Variants in FAM161A observed in about 807,000 individuals in gnomAD.
FAM161A encodes FAM161 centrosomal protein A.
FAM161A carries 57 observed loss-of-function variants against 70.9 expected under a neutral mutation model. The ratio of observed to expected loss-of-function variants is 0.80; its 90% confidence interval spans 0.65 to 1.00. The LOEUF (loss-of-function observed/expected upper bound fraction) is 1.00. Ranked by LOEUF, FAM161A falls within the 50% of genes least tolerant of loss-of-function variation. The pLI, the probability that FAM161A is intolerant of heterozygous loss-of-function variation, is 0.00. For synonymous variants in FAM161A, 299 were observed against 295.7 expected, an observed-to-expected ratio of 1.01 and a Z score of -0.12; for missense variants, 880 against 836.0, an observed-to-expected ratio of 1.05 and a Z score of -0.65.
chr2:61,834,964 AT>A (rs926304305), intron 5 of FAM161A, among the ~76,000 whole-genome samples: 1 of 152,144 alleles, frequency 6.6e-6, no homozygotes, highest in African/African-American at 2.4e-5. Context: ...GCTTAAAATG[AT>A]TTTTCCCCCT....
chr2:61,815,796 G>A, the FAM161A span, among the ~76,000 whole-genome samples: 2 of 151,182 alleles, frequency 1.3e-5, no homozygotes, highest in Non-Finnish European at 3.0e-5. Context: ...AGTGATCCCC[G>A]CACCTCAGCC....
rs1181065430 is a variant in FAM161A at position 61,825,791 on chromosome 2, C to T, written c.*664G>A. 2 of 419,494 alleles carry T rather than the reference C, an allele frequency of 4.8e-6. No individual in the cohort carries two copies. Among genetic ancestry groups the T allele is most frequent in the Non-Finnish European group, 9.4e-6 (2 of 212,410 alleles). The allele number at this position is 419,494 out of a possible 1,614,324, so 26.0% of individuals were successfully genotyped here. A position where few individuals can be genotyped will look rare whatever the true frequency, so the allele number is the denominator to read the frequency against. On this transcript the variant is annotated 3_prime_UTR_variant, in exon 7 of 7. Coordinates refer to ENST00000404929, the MANE Select transcript of FAM161A (RefSeq NM_001201543.2). Reference sequence around the variant, plus strand: ...TAGCTGGGACTACAGGCGCCCACCACCACGCCTGGCTAATTTTTTGTATTT... The same window carrying T: ...TAGCTGGGACTACAGGCGCCCACCATCACGCCTGGCTAATTTTTTGTATTT...
chr2:61,803,430 T>G, the FAM161A span: 22 of 674,642 alleles, frequency 3.3e-5, no homozygotes, highest in South Asian at 2.3e-4. Context: ...AAGTCAGGGG[T>G]ACTGCAAAGG....
chr2:61,836,298 A>T, intron 4 of FAM161A, 189 bp from the exon 5 acceptor site: 1 of 555,834 alleles, frequency 1.8e-6, no homozygotes, highest in Non-Finnish European at 3.2e-6. Flanking sequence ...TATACCGGTT[A>T]ATTCTCATGG....
the FAM161A span, among the ~76,000 whole-genome samples, chr2:61,811,325 G>C: frequency 6.6e-6 from 1 of 151,788 alleles, no homozygotes; most frequent in East Asian, 1.9e-4. Context: ...AGCTTCCCAA[G>C]TAGCTGGGAC....
At chr2:61,804,760 A>AAAG in the FAM161A span, among the ~76,000 whole-genome samples, 9 of 57,842 alleles carry the variant, frequency 1.6e-4, no homozygotes, top group African/African-American at 2.9e-4. Context: ...GAAAGAAAGA[A>AAAG]AAAGAAAGAG....
chr2:61,843,457 G>C (rs1673093881), intron 1 of FAM161A, among the ~76,000 whole-genome samples: 1 of 152,106 alleles, frequency 6.6e-6, no homozygotes, highest in African/African-American at 2.4e-5. Context: ...AGCAACTAAA[G>C]AGATAAAACC....
rs1234399841 is a variant in FAM161A, at chr2:61,839,728, A to C, written c.1276T>G (p.Cys426Gly). The C allele has an allele frequency of 6.2e-7, 1 of 1,614,156 alleles. No individual in the cohort carries two copies. Among genetic ancestry groups the C allele is most frequent in the East Asian group, 2.2e-5 (1 of 44,878 alleles). The change falls in exon 3 of 7, where the codon TGC becomes GGC. Residue 426 changes from cysteine to glycine, a missense_variant. Coordinates refer to ENST00000404929, the MANE Select transcript of FAM161A (RefSeq NM_001201543.2). Reference protein sequence around the residue: ...VKLKCKHKVRCPTPDFEDLPE... With the variant: ...VKLKCKHKVRGPTPDFEDLPE... ...AGGTCCTCAAAATCAGGAGTTGGGC[A>C]CCTAACCTTGTGTTTACACTTCAAC...
the FAM161A span, among the ~76,000 whole-genome samples, chr2:61,809,642 G>T: frequency 6.6e-6 from 1 of 152,158 alleles, no homozygotes; most frequent in African/African-American, 2.4e-5. Context: ...TGCAAAGATG[G>T]CCTTAGCATT....
intron 1 of FAM161A, among the ~76,000 whole-genome samples, chr2:61,842,577 G>C (rs1167489166): frequency 1.3e-5 from 2 of 152,204 alleles, no homozygotes; most frequent in South Asian, 2.1e-4. Context: ...CAAACTGTCA[G>C]AAAATAAATG....
At chr2:61,807,225 C>T in the FAM161A span, among the ~76,000 whole-genome samples, 66 of 150,674 alleles carry the variant, frequency 4.4e-4, no homozygotes, top group Non-Finnish European at 8.9e-5. Flanking sequence ...GCCCAGACAA[C>T]GGAAATGAAG....
At chr2:61,826,751 C>T (rs925070366) in intron 6 of FAM161A, 152 bp from the exon 7 acceptor site, 22 of 701,380 alleles carry the variant, frequency 3.1e-5, no homozygotes, top group African/African-American at 9.0e-5. Flanking sequence ...AAGAAGAAAA[C>T]GCTATAAAAG....
At chr2:61,806,680 CTTTTT>C in the FAM161A span, among the ~76,000 whole-genome samples, 20 of 61,592 alleles carry the variant, frequency 3.2e-4, no homozygotes, top group African/African-American at 1.3e-3. Flanking sequence ...CTTTCCACGT[CTTTTT>C]TTTTTTTTTT....
intron 1 of FAM161A, chr2:61,846,644 G>A (rs771431544): frequency 3.6e-5 from 9 of 246,816 alleles, no homozygotes; most frequent in African/African-American, 7.0e-5. Context: ...GCTTTGCAAT[G>A]CCAGAGCTGG....
the FAM161A span, among the ~76,000 whole-genome samples, chr2:61,815,547 T>C: frequency 8.5e-6 from 1 of 117,196 alleles, no homozygotes; most frequent in South Asian, 2.8e-4. Flanking sequence ...TTTTTTTTTT[T>C]TTTTTTTTTT....
intron 1 of FAM161A, among the ~76,000 whole-genome samples, chr2:61,845,509 G>A (rs1458923845): frequency 1.3e-5 from 2 of 152,106 alleles, no homozygotes; most frequent in Non-Finnish European, 2.9e-5. Context: ...TCCTGGAGGA[G>A]GTAATATTTG....
Position 61,853,953 on chromosome 2 carries a change from T to A in FAM161A, c.89A>T (p.Tyr30Phe). Residue 30 changes from tyrosine (Y) to phenylalanine (F), a missense_variant, in exon 1 of 7, where the codon TAC becomes TTC. Tyr to Phe is a conservative substitution (Grantham distance 22, BLOSUM62 3). Coordinates refer to ENST00000404929, the MANE Select transcript of FAM161A (RefSeq NM_001201543.2). ...GGCCTTTAAGGGGTCTTCGCGTTCG[T>A]ACTGGGCGACCCGCGCTCCAGTGAT... is the stretch of plus-strand genomic sequence containing the variant. ...NPITGARVAQ[Y>F]EREDPLKALA... The A allele has an allele frequency of 6.2e-7, 1 of 1,613,986 alleles. No individual in the cohort carries two copies. Among genetic ancestry groups the A allele is most frequent in the Non-Finnish European group, 8.5e-7 (1 of 1,179,848 alleles).
intron 5 of FAM161A, among the ~76,000 whole-genome samples, chr2:61,834,465 C>CT (rs77909946): frequency 1.5e-3 from 211 of 142,506 alleles, no homozygotes; most frequent in African/African-American, 2.0e-3. Flanking sequence ...ACAATATACC[C>CT]TTTTTTTTTT....
At chr2:61,806,761 C>T in the FAM161A span, among the ~76,000 whole-genome samples, 8 of 130,016 alleles carry the variant, frequency 6.2e-5, no homozygotes, top group Middle Eastern at 5.1e-3. Context: ...GGCGCCATCT[C>T]GGCTCACTGC....
Sources: gnomAD v4.1 joint callset for allele counts (sites outside exome capture counted in the v4.1 genomes callset) on GRCh38, gnomAD v4.1.1 for gene constraint, MANE v1.5 for transcripts, NCBI Gene and HGNC (gene_info 2026-07-23, HGNC 2026-07-21) for gene names.